Variants in RNF212B observed in about 807,000 individuals in gnomAD.
RNF212B encodes ring finger protein 212B.
A neutral mutation model predicts 55.5 loss-of-function variants in RNF212B; 52 were observed. The observed-to-expected ratio is 0.94, with a 90% CI of 0.75 to 1.18. The LOEUF (loss-of-function observed/expected upper bound fraction) is 1.18. Among genes scored for constraint, RNF212B ranks in the 50% most tolerant of loss-of-function variants. The probability of loss-of-function intolerance (pLI) is 0.00; values close to 1 mark genes in which losing one functional copy is unlikely to be tolerated. For missense variants in RNF212B, 289 were observed against 350.4 expected (o/e 0.82, Z 1.40); for synonymous variants, 99 against 121.4 (o/e 0.82, Z 1.21).
chr14:23,264,724 T>G, intron 11 of RNF212B, 53 bp downstream of exon 11: 2 of 1,140,560 alleles, frequency 1.8e-6, no homozygotes, highest in Non-Finnish European at 2.3e-6. Flanking sequence ...TGCGAAGATC[T>G]GCGGATTTCT....
At chr14:23,214,490 TC>T (rs774605660) in intron 2 of RNF212B, among the ~76,000 whole-genome samples, 1 of 151,296 alleles carries the variant, frequency 6.6e-6, no homozygotes, top group African/African-American at 2.4e-5. Context: ...TGAGACTCAG[TC>T]CCCCCAATAA....
chr14:23,206,106 G>C (rs928073145), intron 2 of RNF212B, among the ~76,000 whole-genome samples: 1 of 151,954 alleles, frequency 6.6e-6, no homozygotes, highest in Non-Finnish European at 1.5e-5. Context: ...ACGGAGTCTT[G>C]CTCTGTCAGC....
intron 2 of RNF212B, among the ~76,000 whole-genome samples, chr14:23,216,878 T>A (rs12893027): frequency 4.4e-5 from 4 of 91,038 alleles, no homozygotes; most frequent in Admixed American, 2.9e-4. Context: ...TGACCCTGTC[T>A]CAAAAAAAAA....
chr14:23,268,353 G>T (rs1213919697), intron 11 of RNF212B, among the ~76,000 whole-genome samples: 2 of 152,208 alleles, frequency 1.3e-5, no homozygotes, highest in South Asian at 4.1e-4. Context: ...TATCATGGAG[G>T]TGGAGAAGGA....
intron 2 of RNF212B, among the ~76,000 whole-genome samples, chr14:23,194,236 A>G (rs1878415303): frequency 3.3e-5 from 5 of 152,226 alleles, no homozygotes; most frequent in Admixed American, 1.3e-4. Flanking sequence ...TATCAGTCAC[A>G]TTAGAATTTA....
chr14:23,216,126 G>T (rs1206274780), intron 2 of RNF212B, among the ~76,000 whole-genome samples: 1 of 152,052 alleles, frequency 6.6e-6, no homozygotes, highest in Non-Finnish European at 1.5e-5. Flanking sequence ...GGTGCCTGTA[G>T]TCCCAGCTAC....
rs144643802 is a variant in RNF212B, at chr14:23,194,461, G to C, written c.-2+1060G>C. On this transcript the variant is annotated intron_variant, in intron 2 of 15. Transcript: ENST00000399910. ...CTATTAGAAGCTGATAAATCAGCCA[G>C]GCGCAGTGACACACACCTATAATCC... Among the ~76,000 whole-genome samples, 379 of 152,250 alleles carry C rather than the reference G, an allele frequency of 2.5e-3. 1 individual carries two copies. Among genetic ancestry groups the C allele is most frequent in the Middle Eastern group, 3.4e-3 (1 of 294 alleles).
intron 5 of RNF212B, 91 bp from the exon 6 acceptor site, chr14:23,259,793 G>A (rs1186922773): frequency 3.4e-6 from 2 of 588,642 alleles, no homozygotes; most frequent in Non-Finnish European, 5.8e-6. Context: ...TTCTCAGTAA[G>A]TATTAACTAG....
At chr14:23,249,997 C>T (rs1471791840) in intron 4 of RNF212B, among the ~76,000 whole-genome samples, 1 of 152,148 alleles carries the variant, frequency 6.6e-6, no homozygotes, top group East Asian at 1.9e-4. Context: ...GTTACCTTAA[C>T]GTTCTGGTTC....
At chr14:23,269,623 G>A (rs141220158) in intron 12 of RNF212B, among the ~76,000 whole-genome samples, 2 of 151,590 alleles carry the variant, frequency 1.3e-5, no homozygotes, top group East Asian at 2.0e-4. Context: ...AAGACAGGAG[G>A]ATCACTTGAG....
chr14:23,258,837 C>T (rs1441172643), intron 5 of RNF212B, among the ~76,000 whole-genome samples, 173 bp downstream of exon 5: 3 of 151,412 alleles, frequency 2.0e-5, no homozygotes, highest in Non-Finnish European at 4.4e-5. Context: ...CTCTTTCTTC[C>T]CTCCAGAGGC....
At chr14:23,228,615 A>G (rs1882252862) in intron 2 of RNF212B, among the ~76,000 whole-genome samples, 2 of 151,148 alleles carry the variant, frequency 1.3e-5, no homozygotes, top group African/African-American at 4.9e-5. Context: ...CATTAACGCA[A>G]TCCAGCCTGG....
In RNF212B at chr14:23,244,321, G is replaced by A; in HGVS notation, c.154-1G>A. 1 of 1,534,696 alleles carries A rather than the reference G, an allele frequency of 6.5e-7. No individual in the cohort carries two copies. The highest frequency in any genetic ancestry group is 1.2e-5 in the South Asian group (1 of 82,952). ...CACAGTGTGTATTGCTCTCTTCGTA[G>A]CTGAAGCCTCAGGAGAAGATGTTTT... On this transcript the variant is annotated splice_acceptor_variant, in intron 3 of 14. Transcript: ENST00000430154. LOFTEE classifies it high-confidence loss of function.
chr14:23,200,999 A>G (rs1276920846), intron 2 of RNF212B, among the ~76,000 whole-genome samples: 1 of 152,256 alleles, frequency 6.6e-6, no homozygotes, highest in Non-Finnish European at 1.5e-5. Flanking sequence ...AATTTTGTTC[A>G]TGGGAGTATA....
At chr14:23,215,834 C>G (rs907254882) in intron 2 of RNF212B, among the ~76,000 whole-genome samples, 1 of 152,188 alleles carries the variant, frequency 6.6e-6, no homozygotes, top group Non-Finnish European at 1.5e-5. Context: ...TGTTGACTAT[C>G]CTTCTCCTAG....
chr14:23,196,243 C>T (rs932803292), intron 2 of RNF212B, among the ~76,000 whole-genome samples: 5 of 152,150 alleles, frequency 3.3e-5, no homozygotes, highest in African/African-American at 1.2e-4. Context: ...TACCAATCCT[C>T]TGAGTGCCCA....
chr14:23,185,906 A>G (rs758646142), intron 1 of RNF212B, among the ~76,000 whole-genome samples: 6 of 152,092 alleles, frequency 3.9e-5, no homozygotes, highest in Middle Eastern at 3.2e-3. Flanking sequence ...TCAAGACCAG[A>G]CTGGGCAATG....
intron 2 of RNF212B, among the ~76,000 whole-genome samples, chr14:23,212,368 A>G (rs533439669): frequency 6.6e-6 from 1 of 152,300 alleles, no homozygotes; most frequent in East Asian, 1.9e-4. Flanking sequence ...ACTGCTTAAG[A>G]AGTAAAACTT....
At chr14:23,208,990 C>G (rs1880195164) in intron 2 of RNF212B, among the ~76,000 whole-genome samples, 1 of 151,914 alleles carries the variant, frequency 6.6e-6, no homozygotes, top group Admixed American at 6.6e-5. Context: ...GATCTCCTGA[C>G]CTCGTGATCC....
Sources: allele counts gnomAD v4.1 joint callset (sites outside exome capture counted in the v4.1 genomes callset), GRCh38; gene constraint gnomAD v4.1.1; transcripts MANE v1.5; gene names NCBI Gene and HGNC (gene_info 2026-07-23, HGNC 2026-07-21).